KCND3: variants seen among roughly 807,000 people sequenced by gnomAD.
KCND3 encodes the protein A-type voltage-gated potassium channel KCND3.
KCND3 carries 9 observed loss-of-function variants against 51.1 expected under a neutral mutation model. That is an observed-to-expected ratio of 0.18 (90% CI 0.11 to 0.31). The LOEUF (loss-of-function observed/expected upper bound fraction) is 0.31. Ranked by LOEUF, KCND3 falls within the 10% of genes least tolerant of loss-of-function variation. The probability of loss-of-function intolerance (pLI) is 1.00; values close to 1 mark genes in which losing one functional copy is unlikely to be tolerated. For synonymous variants in KCND3, 349 were observed against 368.0 expected, an observed-to-expected ratio of 0.95 and a Z score of 0.59; for missense variants, 526 against 903.8, an observed-to-expected ratio of 0.58 and a Z score of 5.36.
At chr1:111,902,110 A>C (rs535032617) in intron 2 of KCND3, among the ~76,000 whole-genome samples, 2 of 152,264 alleles carry the variant, frequency 1.3e-5, no homozygotes, top group South Asian at 4.2e-4. Flanking sequence ...GAATGAAGAG[A>C]GGTGTATCCT....
At position 111,982,744 on chromosome 1, in the gene KCND3, G is replaced by C. The variant is rs1288464994; in HGVS notation, c.-18C>G. 1 of 1,597,800 alleles carries C rather than the reference G, an allele frequency of 6.3e-7. No homozygotes were observed. The highest frequency in any genetic ancestry group is 1.3e-5 in the African/African-American group (1 of 74,772). ...GCCGCCATGGTGACTCCAGCTCTTG[G>C]GCCGGCAGCCGCGCGGACGCTAGGC... On this transcript the variant is annotated 5_prime_UTR_variant, in exon 2 of 8. Transcript: ENST00000302127. This position sits in a 1 kb window ranked among gnomAD's most constrained non-coding sequence, Gnocchi z 8.5.
At chr1:111,967,172 C>CAAACAAAAAAAA (rs1674050674) in intron 2 of KCND3, among the ~76,000 whole-genome samples, 1 of 144,612 alleles carries the variant, frequency 6.9e-6, no homozygotes, top group African/African-American at 2.6e-5. Context: ...AAAAAAAAAA[C>CAAACAAAAAAAA]AAAACAAAAA....
At chr1:111,976,666 A>C (rs1674645719) in intron 2 of KCND3, among the ~76,000 whole-genome samples, 2 of 152,238 alleles carry the variant, frequency 1.3e-5, no homozygotes. Context: ...GAGTAATGAA[A>C]GGGCTACAAG....
chr1:111,903,067 T>C (rs148684901), intron 2 of KCND3, among the ~76,000 whole-genome samples: 1 of 152,310 alleles, frequency 6.6e-6, no homozygotes, highest in Non-Finnish European at 1.5e-5. Context: ...GATTCTTTCA[T>C]CCAATATGCT....
intron 2 of KCND3, among the ~76,000 whole-genome samples, chr1:111,916,635 T>C (rs1671230670): frequency 6.6e-6 from 1 of 151,876 alleles, no homozygotes; most frequent in Admixed American, 6.6e-5. Context: ...CTAAAAAAGA[T>C]GAATAAAATT....
At chr1:111,879,079 C>T (rs1669187258) in intron 2 of KCND3, among the ~76,000 whole-genome samples, 1 of 152,216 alleles carries the variant, frequency 6.6e-6, no homozygotes, top group East Asian at 1.9e-4. Flanking sequence ...AACATCAGCT[C>T]TCCTTAGGTC....
chr1:111,786,917 C>A, intron 3 of KCND3, 27 bp downstream of exon 3: 1 of 1,613,528 alleles, frequency 6.2e-7, no homozygotes, highest in South Asian at 1.1e-5. Flanking sequence ...TTTACACTGC[C>A]CCCGCTTCCC....
chr1:111,918,829 G>A (rs1671345881), intron 2 of KCND3, among the ~76,000 whole-genome samples: 1 of 152,088 alleles, frequency 6.6e-6, no homozygotes, highest in African/African-American at 2.4e-5. Context: ...TTTGAGTCAT[G>A]AGATTATTTT....
At chr1:111,923,275 G>A (rs1244065587) in intron 2 of KCND3, among the ~76,000 whole-genome samples, 1 of 152,184 alleles carries the variant, frequency 6.6e-6, no homozygotes, top group African/African-American at 2.4e-5. Context: ...GTACCTGATG[G>A]CCTAGCACAG....
intron 2 of KCND3, among the ~76,000 whole-genome samples, chr1:111,884,785 A>G (rs1571795153): frequency 6.6e-6 from 1 of 152,390 alleles, no homozygotes; most frequent in East Asian, 1.9e-4. Context: ...GGATTCATTA[A>G]GACTAGGTGA....
At chr1:111,793,176 C>CTTT (rs527596358) in intron 2 of KCND3, among the ~76,000 whole-genome samples, 2 of 134,822 alleles carry the variant, frequency 1.5e-5, no homozygotes, top group African/African-American at 5.5e-5. Context: ...GAAGCATATT[C>CTTT]TTTTTTTTTT....
At chr1:111,930,219 T>C (rs1449040235) in intron 2 of KCND3, among the ~76,000 whole-genome samples, 6 of 151,820 alleles carry the variant, frequency 4.0e-5, no homozygotes, top group Non-Finnish European at 8.8e-5. Flanking sequence ...GCTTGAAAAC[T>C]GAGGTGACAA....
intron 1 of KCND3, among the ~76,000 whole-genome samples, chr1:111,986,054 C>T (rs1236323727): frequency 3.9e-5 from 6 of 152,190 alleles, no homozygotes; most frequent in African/African-American, 1.2e-4. Flanking sequence ...ACCCTTCTAA[C>T]TATACTTTGT....
Position 111,898,387 on chromosome 1 carries a change from G to C in KCND3, c.1106+83234C>G, listed in dbSNP as rs901809079. ...TGGCTCAGCACCTGTACCTCCACAT[G>C]CCTGGCACATGTGCAGTACTCAAAA... On this transcript the variant is annotated intron_variant, in intron 2 of 7. Coordinates refer to ENST00000302127, the MANE Select transcript of KCND3 (RefSeq NM_001378969.1). Among the ~76,000 whole-genome samples, 20 of 152,076 alleles carry C rather than the reference G, an allele frequency of 1.3e-4. 1 individual carries two copies. Among genetic ancestry groups the C allele is most frequent in the Admixed American group, 9.8e-4 (15 of 15,280 alleles).
At chr1:111,830,390 A>G (rs920212907) in intron 2 of KCND3, among the ~76,000 whole-genome samples, 3 of 152,154 alleles carry the variant, frequency 2.0e-5, no homozygotes, top group African/African-American at 7.2e-5. Flanking sequence ...ATCTTGGCCT[A>G]TATTCCAGGT....
In KCND3 at chr1:111,786,835, C is replaced by T. The variant is rs1033158044; in HGVS notation, c.1269+109G>A. 2.3e-5 allele frequency: 32 copies of T among 1,362,626 alleles called. No homozygotes were observed. In the Admixed American group the frequency reaches 3.4e-4, roughly 14 times the overall value. 84.4% of individuals were successfully genotyped at this position (1,362,626 alleles called of 1,614,324 possible). ...CTGAAGCTACCTTACCTTGCAAAGC[C>T]AGAGGCCATCTGTGCAGTGATCCTG... On this transcript the variant is annotated intron_variant, in intron 3 of 7. Coordinates refer to ENST00000302127, the MANE Select transcript of KCND3 (RefSeq NM_001378969.1).
At chr1:111,925,583 C>A (rs991087388) in intron 2 of KCND3, among the ~76,000 whole-genome samples, 1 of 152,146 alleles carries the variant, frequency 6.6e-6, no homozygotes, top group Non-Finnish European at 1.5e-5. Context: ...CTCTGGGGCT[C>A]GGTTTCTTCA....
chr1:111,847,612 A>G (rs1440601470), intron 2 of KCND3, among the ~76,000 whole-genome samples: 3 of 152,168 alleles, frequency 2.0e-5, no homozygotes, highest in African/African-American at 7.2e-5. Flanking sequence ...CCCATTCCTG[A>G]GGGCAAGCAG....
chr1:111,846,451 G>A (rs986357940), intron 2 of KCND3, among the ~76,000 whole-genome samples: 1 of 152,100 alleles, frequency 6.6e-6, no homozygotes. Flanking sequence ...TGCTGCTGCT[G>A]CTGATAAAAG....
Sources: gnomAD v4.1 joint callset for allele counts (sites outside exome capture counted in the v4.1 genomes callset) on GRCh38, gnomAD v4.1.1 for gene constraint, Gnocchi (gnomAD v3.1) non-coding constraint, MANE v1.5 for transcripts, NCBI Gene and HGNC (gene_info 2026-07-23, HGNC 2026-07-21) for gene names.